Variants in KIF1C observed in about 807,000 individuals in gnomAD.
KIF1C encodes the protein kinesin-like protein KIF1C.
Under a neutral mutation model 126.5 loss-of-function variants are expected in KIF1C, and 61 were observed. That is an observed-to-expected ratio of 0.48 (90% confidence interval 0.39 to 0.60). The LOEUF (loss-of-function observed/expected upper bound fraction) is 0.60. KIF1C is among the 20% of genes least tolerant of loss of function. KIF1C has a pLI of 0.00. For missense variants in KIF1C, 1,315 were observed against 1,489.2 expected (o/e 0.88, Z 1.93); for synonymous variants, 640 against 580.6 (o/e 1.10, Z -1.47).
intron 5 of KIF1C, 51 bp downstream of exon 5, chr17:5,001,452 C>T (rs1241626125): frequency 6.4e-7 from 1 of 1,553,018 alleles, no homozygotes; most frequent in Admixed American, 1.7e-5. Context: ...CTTTAGCTGC[C>T]CTCTGAGGAA....
At chr17:5,018,578 A>G (rs1394606946) in intron 18 of KIF1C, among the ~76,000 whole-genome samples, 4 of 151,804 alleles carry the variant, frequency 2.6e-5, no homozygotes, top group Non-Finnish European at 5.9e-5. Context: ...AATCCCAGCT[A>G]CTCAGGAGGC....
chr17:5,002,510 A>G lies in KIF1C; in HGVS notation c.476A>G (p.Asn159Ser). Residue 159 changes from asparagine to serine, a missense_variant, in exon 7 of 23, where the codon AAC becomes AGC. Transcript: ENST00000320785. ...TGTGAGCGGGTACGAGACCTCTTGAACCCCAAGAGTCGGGGTTCTCTGCGG... is the reference window on the plus strand; with the variant it reads ...TGTGAGCGGGTACGAGACCTCTTGAGCCCCAAGAGTCGGGGTTCTCTGCGG... ...IYCERVRDLL[N>S]PKSRGSLRVR... 1 of 1,612,262 alleles carries G rather than the reference A, an allele frequency of 6.2e-7. No individual in the cohort carries two copies. Among genetic ancestry groups the G allele is most frequent in the Non-Finnish European group, 8.5e-7 (1 of 1,178,844 alleles).
At chr17:5,005,695 G>C (rs539146233) in intron 13 of KIF1C, among the ~76,000 whole-genome samples, 112 of 151,996 alleles carry the variant, frequency 7.4e-4, no homozygotes, top group African/African-American at 2.6e-3. Context: ...CACACATGAC[G>C]TGGGACCAGT....
At chr17:5,013,031 A>G (rs1043709269) in intron 16 of KIF1C, among the ~76,000 whole-genome samples, 4 of 152,176 alleles carry the variant, frequency 2.6e-5, no homozygotes, top group Non-Finnish European at 2.9e-5. Context: ...AGGGAGGGGT[A>G]GTCACTGGGG....
At position 5,023,883 on chromosome 17, in the gene KIF1C, C is replaced by A; in HGVS notation, c.3044C>A (p.Thr1015Asn). 1 of 1,541,588 alleles carries A rather than the reference C, an allele frequency of 6.5e-7. No homozygotes were observed. Among genetic ancestry groups the A allele is most frequent in the Non-Finnish European group, 8.7e-7 (1 of 1,143,530 alleles). Reference sequence around the variant, plus strand: ...GAGGAGGTCACTCCCCATCCAGCCACCCCTGCCCGCCGGCCTCCGAGTCCC... The same window carrying A: ...GAGGAGGTCACTCCCCATCCAGCCAACCCTGCCCGCCGGCCTCCGAGTCCC... Reference protein sequence around the residue: ...PPEEVTPHPATPARRPPSPRR... With the variant: ...PPEEVTPHPANPARRPPSPRR... Residue 1015 changes from threonine to asparagine, a missense_variant, in exon 23 of 23, where the codon ACC becomes AAC. Transcript: ENST00000320785. This position sits in a 1 kb window ranked among gnomAD's most constrained non-coding sequence, Gnocchi z 4.2.
At chr17:5,016,349 C>T (rs1408411967) in intron 18 of KIF1C, among the ~76,000 whole-genome samples, 1 of 151,836 alleles carries the variant, frequency 6.6e-6, no homozygotes, top group Non-Finnish European at 1.5e-5. Context: ...CTCCCAACCT[C>T]AGGTGATCCT....
At position 5,007,128 on chromosome 17, in the gene KIF1C, T is replaced by C. The variant is rs773565560; in HGVS notation, c.1335+44T>C. On this transcript the variant is annotated intron_variant, in intron 14 of 22. Transcript: ENST00000320785. ...CAAGGGCTGGGGGTCTGGGCATTCC[T>C]GGGAGTTTACTTCTCCAAAGTCAAG... 7 of 1,579,738 alleles carry C rather than the reference T, an allele frequency of 4.4e-6. No homozygotes were observed. In the African/African-American group the frequency reaches 9.5e-5, roughly 22 times the overall value.
chr17:5,002,505 C>A lies in KIF1C; in HGVS notation c.471C>A (p.Leu157=), dbSNP rs140531982. 3 of 1,612,764 alleles carry A rather than the reference C, an allele frequency of 1.9e-6. No homozygotes were observed. The African/African-American group carries it at 4.0e-5, about 22-fold the overall frequency. Residue 157 remains leucine, a synonymous_variant, in exon 7 of 23, where the codon CTC becomes CTA. Coordinates refer to ENST00000320785, the MANE Select transcript of KIF1C (RefSeq NM_006612.6). The part of the protein sequence containing the change: ...MEIYCERVRD[L]LNPKSRGSLR... ...TCTACTGTGAGCGGGTACGAGACCT[C>A]TTGAACCCCAAGAGTCGGGGTTCTC...
chr17:5,000,431 A>C, intron 3 of KIF1C, 79 bp downstream of exon 3: 1 of 963,120 alleles, frequency 1.0e-6, no homozygotes. Flanking sequence ...CGCTGGGCCA[A>C]ACTAAGAGGA....
At chr17:5,002,225 A>C in intron 6 of KIF1C, 101 bp downstream of exon 6, 1 of 1,162,098 alleles carries the variant, frequency 8.6e-7, no homozygotes, top group South Asian at 1.2e-5. Context: ...TCTGCTGGTT[A>C]CTGACTGTGA....
rs535539356 is a variant in KIF1C at position 5,000,019 on chromosome 17, GGA to G, written c.-28+55_-28+56del. 1.5e-3 allele frequency: 827 copies of G among 546,572 alleles called. 5 individuals are homozygous for G. Among genetic ancestry groups the G allele is most frequent in the African/African-American group, 0.014 (765 of 52,878 alleles). The allele number at this position is 546,572 out of a possible 1,614,324, so 33.9% of individuals were successfully genotyped here. On this transcript the variant is annotated intron_variant, in intron 2 of 22. Transcript: ENST00000320785. ...TTCCTGCAAGCTGGAATATGGCTGG[GGA>G]GAGAGGCAGAAATACCTTTGGGAGT...
chr17:5,022,286 G>A lies in KIF1C; in HGVS notation c.2205G>A (p.Gln735=). 1.2e-6 allele frequency: 2 copies of A among 1,613,552 alleles called. No individual in the cohort carries two copies. The highest frequency in any genetic ancestry group is 3.3e-5 in the Admixed American group (2 of 59,934). ...AGATCCCCCAGCGACGCAGGCTGCAGGGCAAAGACCCCCGCTGGGCCACCA... is the reference window on the plus strand; with the variant it reads ...AGATCCCCCAGCGACGCAGGCTGCAAGGCAAAGACCCCCGCTGGGCCACCA... The part of the protein sequence containing the change: ...VYQIPQRRRL[Q]GKDPRWATMA... Residue 735 remains glutamine (Q), a synonymous_variant, in exon 22 of 23, where the codon CAG becomes CAA. Coordinates refer to ENST00000320785, the MANE Select transcript of KIF1C (RefSeq NM_006612.6). This position sits in a 1 kb window ranked among gnomAD's most constrained non-coding sequence, Gnocchi z 4.9.
chr17:5,005,884 A>G (rs1974718802), intron 13 of KIF1C, among the ~76,000 whole-genome samples: 1 of 150,944 alleles, frequency 6.6e-6, no homozygotes, highest in Non-Finnish European at 1.5e-5. Flanking sequence ...CCACCACCAC[A>G]CCTGGCTAAT....
rs1451561652 is a variant in KIF1C, at chr17:5,024,200, G to A, written c.*49G>A. The A allele has an allele frequency of 1.5e-6, 2 of 1,360,644 alleles. No homozygotes were observed. Among genetic ancestry groups the A allele is most frequent in the Non-Finnish European group, 2.0e-6 (2 of 981,688 alleles). 84.3% of individuals were successfully genotyped at this position (1,360,644 alleles called of 1,614,324 possible). The stretch of plus-strand genomic sequence containing the variant: ...CTGGTGGGGCCCCTTGCTAGGAGAA[G>A]GGAAGACGCCCGAGACGCTGCTTCC... On this transcript the variant is annotated 3_prime_UTR_variant, in exon 23 of 23. Transcript: ENST00000320785.
At chr17:5,009,468 G>A (rs755292505) in intron 16 of KIF1C, among the ~76,000 whole-genome samples, 3 of 151,828 alleles carry the variant, frequency 2.0e-5, no homozygotes, top group Middle Eastern at 3.4e-3. Flanking sequence ...GTGAGCCACC[G>A]TGCCAGGCCC....
intron 18 of KIF1C, among the ~76,000 whole-genome samples, chr17:5,018,843 G>A (rs999954904): frequency 1.3e-5 from 2 of 152,156 alleles, no homozygotes; most frequent in Non-Finnish European, 2.9e-5. Context: ...ATGTATTTCT[G>A]AGACCTAGTA....
intron 21 of KIF1C, 120 bp from the exon 22 acceptor site, chr17:5,021,972 G>A (rs1975098974): frequency 2.0e-5 from 23 of 1,126,524 alleles, no homozygotes; most frequent in Non-Finnish European, 2.9e-5. Flanking sequence ...GGGTGGAGCA[G>A]GACTTGAACC....
At chr17:4,999,743 G>C (rs908830106) in intron 1 of KIF1C, 107 bp from the exon 2 acceptor site, 1 of 168,902 alleles carries the variant, frequency 5.9e-6, no homozygotes, top group African/African-American at 2.4e-5. Context: ...GCAGCTGTCC[G>C]TACTTTTCCT....
In KIF1C at chr17:5,002,654, T is replaced by C; in HGVS notation, c.608+12T>C. 6.2e-7 allele frequency: 1 copy of C among 1,611,586 alleles called. No homozygotes were observed. The highest frequency in any genetic ancestry group is 8.5e-7 in the Non-Finnish European group (1 of 1,177,918). On this transcript the variant is annotated intron_variant, in intron 7 of 22. Transcript: ENST00000320785. ...GGAAATAAAGCACGGTGAGGCAGGC[T>C]GATGGAGCAGAGGGCAAGGGGGCCA...
Sources: allele counts gnomAD v4.1 joint callset (sites outside exome capture counted in the v4.1 genomes callset), GRCh38; gene constraint gnomAD v4.1.1; non-coding constraint Gnocchi (gnomAD v3.1); transcripts MANE v1.5; gene names NCBI Gene and HGNC (gene_info 2026-07-23, HGNC 2026-07-21).